ZNF518A: variants seen among roughly 807,000 people sequenced by gnomAD.
ZNF518A encodes zinc finger protein 518A, also known as zinc finger protein 518.
Under a neutral mutation model 102.7 loss-of-function variants are expected in ZNF518A, and 47 were observed. That is an observed-to-expected ratio of 0.46 (90% CI 0.36 to 0.58). ZNF518A has a LOEUF of 0.58. Ranked by LOEUF, ZNF518A falls within the 20% of genes least tolerant of loss-of-function variation. The pLI is 0.00. For synonymous variants in ZNF518A, 652 were observed against 594.6 expected (o/e 1.10, Z -1.40); for missense variants, 1,793 against 1,699.8 (o/e 1.05, Z -0.96).
Position 96,163,016 on chromosome 10 carries a change from T to C in ZNF518A, c.*2242T>C, listed in dbSNP as rs2083058559. On this transcript the variant is annotated 3_prime_UTR_variant, in exon 6 of 6. Coordinates refer to ENST00000316045, the MANE Select transcript of ZNF518A (RefSeq NM_001330736.2). ...ATTAAAATGCTCTGTTTGTTACATA[T>C]AGATCTGTTATGAGACATCACCTGC... 2 of 152,116 alleles carry C rather than the reference T, an allele frequency of 1.3e-5. No homozygotes were observed. Among genetic ancestry groups the C allele is most frequent in the African/African-American group, 5.2e-5 (2 of 38,746 alleles). 9.4% of individuals were successfully genotyped at this position (152,116 alleles called of 1,614,324 possible).
At chr10:96,148,483 A>G (rs1350771184) in intron 3 of ZNF518A, among the ~76,000 whole-genome samples, 6 of 152,204 alleles carry the variant, frequency 3.9e-5, no homozygotes, top group Non-Finnish European at 8.8e-5. Context: ...CTCAGTTTCT[A>G]ACAAATTACT....
At chr10:96,192,244 A>G in intron 1 of ZNF518A, 1 of 1,095,452 alleles carries the variant, frequency 9.1e-7, no homozygotes. Flanking sequence ...CAAAGGCTGT[A>G]ACCTTCAAGG....
rs1156434227 is a variant in ZNF518A at position 96,142,967 on chromosome 10, C to T, written c.-302+9319C>T. The stretch of plus-strand genomic sequence containing the variant: ...GATTACAGGCACCCGCAACCATGCC[C>T]GGCTAACTTTTTGTATTTTTAGTAC... On this transcript the variant is annotated intron_variant, in intron 3 of 5. Coordinates refer to ENST00000316045, the MANE Select transcript of ZNF518A (RefSeq NM_001330736.2). Among the ~76,000 whole-genome samples, 7 of 152,020 alleles carry T rather than the reference C, an allele frequency of 4.6e-5. No homozygotes were observed. The East Asian group carries it at 5.8e-4, about 13-fold the overall frequency.
chr10:96,134,137 A>G (rs2081480414), intron 3 of ZNF518A, among the ~76,000 whole-genome samples: 4 of 152,228 alleles, frequency 2.6e-5, no homozygotes, highest in Admixed American at 2.6e-4. Context: ...AACATTTTGG[A>G]TTTTGGATAT....
At chr10:96,204,726 G>A (rs782767948), downstream of ZNF518A, 12 of 945,846 alleles carry the variant, frequency 1.3e-5, no homozygotes, top group Non-Finnish European at 1.8e-5. Context: ...GTCTTCCCGG[G>A]AACATGTCTT....
At chr10:96,140,764 C>G (rs587753752) in intron 3 of ZNF518A, among the ~76,000 whole-genome samples, 1 of 137,362 alleles carries the variant, frequency 7.3e-6, no homozygotes, top group South Asian at 2.4e-4. Context: ...AACCCCATCT[C>G]TTAAAAAAAA....
chr10:96,160,185 C>A lies in ZNF518A; in HGVS notation c.3863C>A (p.Pro1288His). Residue 1288 changes from proline to histidine, a missense_variant, in exon 6 of 6, where the codon CCT becomes CAT. Pro to His is a moderately conservative substitution (Grantham distance 77, BLOSUM62 -2). Coordinates refer to ENST00000316045, the MANE Select transcript of ZNF518A (RefSeq NM_001330736.2). The stretch of plus-strand genomic sequence containing the variant: ...AAGTGTAGGGATAGTTACCAAGAAC[C>A]TCCAAGAAGAAAAGCAACATTGCAT... The part of the protein sequence containing the change: ...KRKCRDSYQE[P>H]PRRKATLHRK... 1 of 1,608,858 alleles carries A rather than the reference C, an allele frequency of 6.2e-7. No individual in the cohort carries two copies. The highest frequency in any genetic ancestry group is 8.5e-7 in the Non-Finnish European group (1 of 1,177,916).
chr10:96,199,758 G>T (rs1464355562), intron 1 of ZNF518A, among the ~76,000 whole-genome samples: 7 of 152,188 alleles, frequency 4.6e-5, no homozygotes, highest in Admixed American at 4.6e-4. Flanking sequence ...GGTGGCTCAC[G>T]TCTGTAATCC....
chr10:96,169,084 A>G (rs1418359469), intron 1 of ZNF518A, among the ~76,000 whole-genome samples: 1 of 152,136 alleles, frequency 6.6e-6, no homozygotes, highest in Admixed American at 6.5e-5. Context: ...GCTGGAGTGC[A>G]GTGGTGCAGT....
rs782205233 is a variant in ZNF518A, at chr10:96,160,665, A to G, written c.4343A>G (p.Lys1448Arg). The change falls in exon 6 of 6, where the codon AAA (lysine) becomes AGA (arginine). Residue 1448 changes from lysine to arginine, a missense_variant. By Grantham distance (26) the Lys-to-Arg change is conservative (BLOSUM62 2). Coordinates refer to ENST00000316045, the MANE Select transcript of ZNF518A (RefSeq NM_001330736.2). Reference sequence around the variant, plus strand: ...ACCTCTGAAAATATTTTGAAGGCTAAATTTAACTGTTGGTTTTGTGGTAGA... The same window carrying G: ...ACCTCTGAAAATATTTTGAAGGCTAGATTTAACTGTTGGTTTTGTGGTAGA... The part of the protein sequence containing the change: ...KTTSENILKA[K>R]FNCWFCGRVF... 1 of 1,613,244 alleles carries G rather than the reference A, an allele frequency of 6.2e-7. No homozygotes were observed. Among genetic ancestry groups the G allele is most frequent in the Non-Finnish European group, 8.5e-7 (1 of 1,179,520 alleles).
intron 3 of ZNF518A, among the ~76,000 whole-genome samples, chr10:96,139,951 C>T (rs1316660939): frequency 2.7e-5 from 4 of 150,818 alleles, no homozygotes; most frequent in Admixed American, 6.6e-5. Context: ...CTCCACCTCC[C>T]GGGTTCAAGT....
intron 1 of ZNF518A, among the ~76,000 whole-genome samples, chr10:96,199,738 G>A (rs587602166): frequency 1.3e-5 from 2 of 152,310 alleles, no homozygotes; most frequent in South Asian, 4.1e-4. Context: ...ATCAGACCTT[G>A]GCCGGGCGCG....
chr10:96,159,368 G>A lies in ZNF518A; in HGVS notation c.3046G>A (p.Val1016Ile). The change falls in exon 6 of 6, where the codon GTA (valine) becomes ATA (isoleucine). Residue 1016 changes from valine (V) to isoleucine (I), a missense_variant. By Grantham distance (29) the Val-to-Ile change is conservative. This residue lies in a region of ZNF518A where 1,741 missense variants were observed against 1,622.6 expected (regional missense o/e 1.07). Coordinates refer to ENST00000316045, the MANE Select transcript of ZNF518A (RefSeq NM_001330736.2). ...GCCTTGCAAAACACCTATTTTGAAG[G>A]TAGAACCAAACAATAATTGTCTTAC... Reference protein sequence around the residue: ...KEPCKTPILKVEPNNNCLTPG... With the variant: ...KEPCKTPILKIEPNNNCLTPG... 6.2e-7 allele frequency: 1 copy of A among 1,613,788 alleles called. No homozygotes were observed. Among genetic ancestry groups the A allele is most frequent in the Non-Finnish European group, 8.5e-7 (1 of 1,179,782 alleles).
downstream of ZNF518A, among the ~76,000 whole-genome samples, chr10:96,166,766 CAAAA>C (rs2083143895): frequency 1.3e-5 from 2 of 151,798 alleles, no homozygotes; most frequent in Non-Finnish European, 2.9e-5. Flanking sequence ...GACTCTGTCT[CAAAA>C]AGAAAGAAAG....
Position 96,158,812 on chromosome 10 carries a change from G to A in ZNF518A, c.2490G>A (p.Ser830=), listed in dbSNP as rs782330037. The A allele has an allele frequency of 2.0e-5, 33 of 1,613,566 alleles. No individual in the cohort carries two copies. In the East Asian group the frequency reaches 2.7e-4, roughly 13 times the overall value. ...HEREGKIVES[S]KDFKVQGIFP... ...GAGAAGGCAAAATTGTTGAATCTTC[G>A]AAAGATTTCAAAGTGCAAGGCATCT... The change falls in exon 6 of 6, where the codon TCG becomes TCA. Residue 830 remains serine (S), a synonymous_variant. Coordinates refer to ENST00000316045, the MANE Select transcript of ZNF518A (RefSeq NM_001330736.2).
chr10:96,200,235 C>A lies in ZNF518A; in HGVS notation n.36-3339C>A, dbSNP rs2083594433. 2 of 1,190,964 alleles carry A rather than the reference C, an allele frequency of 1.7e-6. No individual in the cohort carries two copies. The highest frequency in any genetic ancestry group is 2.5e-6 in the Non-Finnish European group (2 of 806,100). The allele number at this position is 1,190,964 out of a possible 1,614,324, so 73.8% of individuals were successfully genotyped here. On this transcript the variant is annotated intron_variant and non_coding_transcript_variant, in intron 1 of 2. Transcript: ENST00000442635. This position sits in a 1 kb window ranked among gnomAD's most constrained non-coding sequence, Gnocchi z 4.3. Reference sequence around the variant, plus strand: ...ATTTCTGTGTACTAGAAACAAAGACCCATTTGCATTATCAAGACAGGCCTC... The same window carrying A: ...ATTTCTGTGTACTAGAAACAAAGACACATTTGCATTATCAAGACAGGCCTC...
Position 96,159,691 on chromosome 10 carries a change from C to T in ZNF518A, c.3369C>T (p.Val1123=). The T allele has an allele frequency of 6.2e-7, 1 of 1,613,288 alleles. No individual in the cohort carries two copies. Among genetic ancestry groups the T allele is most frequent in the Non-Finnish European group, 8.5e-7 (1 of 1,179,762 alleles). ...NKTELLKPKL[V]QNSTYQNIQP... ...CTGAGCTGCTTAAGCCCAAATTAGTCCAAAATAGTACTTATCAAAATATAC... is the reference window on the plus strand; with the variant it reads ...CTGAGCTGCTTAAGCCCAAATTAGTTCAAAATAGTACTTATCAAAATATAC... Residue 1123 remains valine, a synonymous_variant, in exon 6 of 6, where the codon GTC becomes GTT. Coordinates refer to ENST00000316045, the MANE Select transcript of ZNF518A (RefSeq NM_001330736.2).
intron 1 of ZNF518A, among the ~76,000 whole-genome samples, chr10:96,170,181 C>T (rs2083165556): frequency 1.3e-5 from 2 of 152,130 alleles, no homozygotes; most frequent in Admixed American, 1.3e-4. Context: ...TTACAAAGTC[C>T]CTATGGACAT....
intron 3 of ZNF518A, among the ~76,000 whole-genome samples, chr10:96,150,376 T>G (rs1359540814): frequency 6.6e-6 from 1 of 151,694 alleles, no homozygotes; most frequent in Non-Finnish European, 1.5e-5. Context: ...AAAGGTGGTG[T>G]TCTGATGAAA....
Sources: allele counts gnomAD v4.1 joint callset (sites outside exome capture counted in the v4.1 genomes callset), GRCh38; gene constraint gnomAD v4.1.1; regional missense constraint gnomAD v4.1.1; non-coding constraint Gnocchi (gnomAD v3.1); transcripts MANE v1.5; gene names NCBI Gene and HGNC (gene_info 2026-07-23, HGNC 2026-07-21).